SKAP2: variants seen among roughly 807,000 people sequenced by gnomAD.
SKAP2 encodes src kinase-associated phosphoprotein 2.
Under a neutral mutation model 54.9 loss-of-function variants are expected in SKAP2, and 28 were observed. The ratio of observed to expected loss-of-function variants is 0.51; its 90% CI spans 0.38 to 0.70. SKAP2 has a LOEUF of 0.70. Among genes scored for constraint, SKAP2 ranks in the 30% least tolerant of loss-of-function variants. The pLI is 0.00. For missense variants in SKAP2, 356 were observed against 424.1 expected (o/e 0.84, Z 1.41); for synonymous variants, 137 against 134.3 (o/e 1.02, Z -0.14).
intron 9 of SKAP2, 65 bp downstream of exon 9, chr7:26,725,363 C>G (rs1395458875): frequency 2.4e-6 from 3 of 1,231,112 alleles, no homozygotes; most frequent in Non-Finnish European, 2.3e-6. Flanking sequence ...CACAAACACA[C>G]ACACACACTC....
At chr7:26,775,411 A>C (rs1421999593) in intron 4 of SKAP2, among the ~76,000 whole-genome samples, 2 of 152,108 alleles carry the variant, frequency 1.3e-5, no homozygotes, top group African/African-American at 4.8e-5. Context: ...TCCCTTATAC[A>C]CTTTGCTCAG....
At chr7:26,664,881 C>A (rs1786078882), downstream of SKAP2, among the ~76,000 whole-genome samples, 1 of 152,096 alleles carries the variant, frequency 6.6e-6, no homozygotes, top group African/African-American at 2.4e-5. Context: ...CAACTTCCAG[C>A]CCCTCTCTCA....
chr7:26,726,717 A>T (rs527639502), intron 7 of SKAP2, 165 bp downstream of exon 7: 2 of 513,110 alleles, frequency 3.9e-6, no homozygotes, highest in East Asian at 7.1e-5. Flanking sequence ...TGAAATTTTT[A>T]AAAATTTCCT....
intron 4 of SKAP2, among the ~76,000 whole-genome samples, chr7:26,791,413 C>T (rs931203481): frequency 1.3e-5 from 2 of 151,980 alleles, no homozygotes; most frequent in Admixed American, 6.6e-5. Flanking sequence ...TGGGCTCAAG[C>T]GATCCTCCTG....
At chr7:26,856,943 A>T in intron 1 of SKAP2, among the ~76,000 whole-genome samples, 1 of 151,852 alleles carries the variant, frequency 6.6e-6, no homozygotes, top group Non-Finnish European at 1.5e-5. Flanking sequence ...TTTTTCTTTA[A>T]AAGGTCATTT....
intron 11 of SKAP2, among the ~76,000 whole-genome samples, chr7:26,683,566 A>AAGGC (rs924462513): frequency 1.3e-5 from 2 of 151,690 alleles, no homozygotes; most frequent in Non-Finnish European, 2.9e-5. Context: ...GGAAGGAAGG[A>AAGGC]AAGAAGGAGC....
At chr7:26,816,652 C>T (rs1159546134) in intron 4 of SKAP2, among the ~76,000 whole-genome samples, 1 of 151,970 alleles carries the variant, frequency 6.6e-6, no homozygotes, top group Non-Finnish European at 1.5e-5. Context: ...TTAGTAATTA[C>T]ACTAAGAGAT....
chr7:26,778,737 A>C (rs1783365244), intron 4 of SKAP2, among the ~76,000 whole-genome samples: 2 of 152,120 alleles, frequency 1.3e-5, no homozygotes, highest in African/African-American at 4.8e-5. Context: ...AAAGAAATAC[A>C]TTTTGGGATC....
At chr7:26,834,672 A>G (rs909898025) in intron 4 of SKAP2, among the ~76,000 whole-genome samples, 62 of 152,238 alleles carry the variant, frequency 4.1e-4, no homozygotes, top group African/African-American at 1.4e-3. Context: ...GAATAGACCC[A>G]TAACAAGTTC....
At chr7:26,804,535 T>C (rs1172874973) in intron 4 of SKAP2, among the ~76,000 whole-genome samples, 1 of 152,154 alleles carries the variant, frequency 6.6e-6, no homozygotes, top group African/African-American at 2.4e-5. Context: ...GGTCAGGAGA[T>C]TGAGACCATC....
intron 4 of SKAP2, among the ~76,000 whole-genome samples, chr7:26,783,795 G>C (rs1405878996): frequency 6.6e-6 from 1 of 152,082 alleles, no homozygotes; most frequent in Admixed American, 6.6e-5. Flanking sequence ...CCTGTTGTGA[G>C]GTGGGGGGAG....
chr7:26,771,918 C>G (rs1033752304), intron 4 of SKAP2, among the ~76,000 whole-genome samples: 5 of 152,146 alleles, frequency 3.3e-5, no homozygotes, highest in Admixed American at 6.6e-5. Flanking sequence ...CAGGTATGGG[C>G]ACAAACTATC....
At chr7:26,665,778 C>T (rs1169183982), downstream of SKAP2, among the ~76,000 whole-genome samples, 6 of 151,990 alleles carry the variant, frequency 3.9e-5, no homozygotes, top group Non-Finnish European at 8.8e-5. Flanking sequence ...AAGCAGTAGG[C>T]GTATAATAAA....
chr7:26,690,506 G>C, intron 9 of SKAP2, 144 bp from the exon 10 acceptor site: 1 of 567,654 alleles, frequency 1.8e-6, no homozygotes, highest in Non-Finnish European at 3.1e-6. Flanking sequence ...AAGATTCACA[G>C]TCCTTTTTCG....
At chr7:26,820,588 C>T (rs1054128945) in intron 4 of SKAP2, among the ~76,000 whole-genome samples, 1 of 152,062 alleles carries the variant, frequency 6.6e-6, no homozygotes, top group Non-Finnish European at 1.5e-5. Flanking sequence ...AAGCTAAATA[C>T]GATTCACCCA....
intron 4 of SKAP2, chr7:26,742,345 T>C (rs1039986031): frequency 6.6e-6 from 1 of 152,128 alleles, no homozygotes; most frequent in Non-Finnish European, 1.5e-5. Flanking sequence ...TGGGTACCTT[T>C]AGCATAGCTT....
At chr7:26,663,236 G>A (rs902239952), downstream of SKAP2, among the ~76,000 whole-genome samples, 5 of 151,940 alleles carry the variant, frequency 3.3e-5, no homozygotes, top group Admixed American at 1.3e-4. Context: ...AGTACTATAG[G>A]GTGTATTTTA....
chr7:26,729,560 G>T (rs1787778791), intron 6 of SKAP2, among the ~76,000 whole-genome samples: 1 of 151,968 alleles, frequency 6.6e-6, no homozygotes, highest in Non-Finnish European at 1.5e-5. Flanking sequence ...GGCAAAATAA[G>T]GAACAAATAT....
chr7:26,851,988 T>C (rs897062884), intron 3 of SKAP2, among the ~76,000 whole-genome samples: 8 of 152,074 alleles, frequency 5.3e-5, no homozygotes, highest in East Asian at 1.9e-4. Context: ...TTAAAATACA[T>C]ATATGCATAT....
Sources: allele counts gnomAD v4.1 joint callset (sites outside exome capture counted in the v4.1 genomes callset), GRCh38; gene constraint gnomAD v4.1.1; transcripts MANE v1.5; gene names NCBI Gene and HGNC (gene_info 2026-07-23, HGNC 2026-07-21).